Variants in EGFLAM observed in about 807,000 individuals in gnomAD.
EGFLAM encodes EGF like, fibronectin type III and laminin G domains.
A neutral mutation model predicts 113.1 loss-of-function variants in EGFLAM; 79 were observed. That is an observed-to-expected ratio of 0.70 (90% CI 0.58 to 0.84). The LOEUF (loss-of-function observed/expected upper bound fraction) is 0.84, where lower values mean the gene tolerates loss of function less well. Ranked by LOEUF, EGFLAM falls within the 40% of genes least tolerant of loss-of-function variation. EGFLAM has a pLI of 0.00. For synonymous variants in EGFLAM, 504 were observed against 487.6 expected (o/e 1.03, Z -0.44); for missense variants, 1,265 against 1,291.6 (o/e 0.98, Z 0.32).
chr5:38,427,380 A>T (rs1382264023), intron 14 of EGFLAM, 128 bp downstream of exon 14: 1 of 1,414,476 alleles, frequency 7.1e-7, no homozygotes, highest in Non-Finnish European at 9.5e-7. Flanking sequence ...ATCTTCTGAA[A>T]CTTGTCCTGA....
chr5:38,391,410 G>GTGTGTGTGTGTGTGTT (rs1554010817), intron 6 of EGFLAM, among the ~76,000 whole-genome samples: 128 of 151,156 alleles, frequency 8.5e-4, no homozygotes, highest in African/African-American at 2.9e-3. Context: ...GTGTGTGTGT[G>GTGTGTGTGTGTGTGTT]TGTGTGTGAT....
At chr5:38,431,641 G>C (rs941964216) in intron 15 of EGFLAM, among the ~76,000 whole-genome samples, 8 of 152,264 alleles carry the variant, frequency 5.3e-5, no homozygotes, top group Non-Finnish European at 1.2e-4. Flanking sequence ...TAGGGCCTGT[G>C]GTGCATGGGG....
chr5:38,427,345 C>T lies in EGFLAM; in HGVS notation c.2054+93C>T, dbSNP rs980073078. 1.2e-5 allele frequency: 18 copies of T among 1,537,838 alleles called. No individual in the cohort carries two copies. The East Asian group carries it at 3.6e-4, about 31-fold the overall frequency. The stretch of plus-strand genomic sequence containing the variant: ...CCAAATCGCCATTCAACAGCTCACA[C>T]TCATCCTGTCTTCTCTACATGCTTA... On this transcript the variant is annotated intron_variant, in intron 14 of 21. Transcript: ENST00000322350.
intron 1 of EGFLAM, among the ~76,000 whole-genome samples, chr5:38,297,650 C>A (rs1393666617): frequency 6.6e-6 from 1 of 152,158 alleles, no homozygotes; most frequent in African/African-American, 2.4e-5. Context: ...GACCCTGAGC[C>A]TGTCCTCGGC....
At chr5:38,314,676 C>G (rs1430901308) in intron 1 of EGFLAM, among the ~76,000 whole-genome samples, 2 of 152,326 alleles carry the variant, frequency 1.3e-5, no homozygotes, top group East Asian at 1.9e-4. Flanking sequence ...TGAAGCCTTA[C>G]CGCCCACCCA....
chr5:38,288,577 T>G (rs1370944708), intron 1 of EGFLAM, among the ~76,000 whole-genome samples: 1 of 152,128 alleles, frequency 6.6e-6, no homozygotes, highest in African/African-American at 2.4e-5. Context: ...AGTTTTGAGC[T>G]CCTAACGCTT....
chr5:38,399,988 A>C (rs17425756), intron 6 of EGFLAM: 23,662 of 152,184 alleles, frequency 0.16, 2,015 homozygotes, highest in Non-Finnish European at 0.17. Context: ...GCTTGATGTG[A>C]CAGATACCTG....
At chr5:38,377,204 C>T (rs184640521) in intron 6 of EGFLAM, among the ~76,000 whole-genome samples, 151 of 152,154 alleles carry the variant, frequency 9.9e-4, no homozygotes, top group Non-Finnish European at 1.9e-3. Context: ...TCACTGCAAC[C>T]TCAGTTCACT....
At chr5:38,389,506 C>T (rs892542392) in intron 6 of EGFLAM, among the ~76,000 whole-genome samples, 1 of 152,008 alleles carries the variant, frequency 6.6e-6, no homozygotes, top group African/African-American at 2.4e-5. Context: ...TGCCTAATTG[C>T]TTGTCTATGT....
chr5:38,345,545 G>A (rs1420138093), intron 3 of EGFLAM: 1 of 152,208 alleles, frequency 6.6e-6, no homozygotes, highest in Non-Finnish European at 1.5e-5. Context: ...CAAACACCAA[G>A]TAGGGGGTAT....
chr5:38,394,782 C>G (rs1740914172), intron 6 of EGFLAM, among the ~76,000 whole-genome samples: 1 of 150,096 alleles, frequency 6.7e-6, no homozygotes, highest in African/African-American at 2.5e-5. Context: ...TTTCTGTGCC[C>G]ACAACTCTTC....
Position 38,463,009 on chromosome 5 carries a change from TG to T in EGFLAM, c.2875+1del, listed in dbSNP as rs779054196. ...RQLNINGALY[V>X]GGMKEIALHT... ...CTTAACATCAATGGAGCTCTGTATG[TG>T]GGTAAGTGACCGACCCTCGACCAAA... On this transcript the variant is annotated frameshift_variant and splice_region_variant, in exon 21 of 22. Coordinates refer to ENST00000322350, the MANE Select transcript of EGFLAM (RefSeq NM_152403.4). LOFTEE classifies it high-confidence loss of function. 1.2e-6 allele frequency: 2 copies of T among 1,612,994 alleles called. No individual in the cohort carries two copies. The highest frequency in any genetic ancestry group is 1.7e-6 in the Non-Finnish European group (2 of 1,179,226).
intron 1 of EGFLAM, among the ~76,000 whole-genome samples, chr5:38,311,637 T>C (rs1343645652): frequency 6.6e-6 from 1 of 152,234 alleles, no homozygotes; most frequent in Non-Finnish European, 1.5e-5. Flanking sequence ...CTTCTGTTTT[T>C]GGCAATAATG....
intron 5 of EGFLAM, among the ~76,000 whole-genome samples, chr5:38,363,429 G>A (rs1224016296): frequency 1.3e-5 from 2 of 152,094 alleles, no homozygotes; most frequent in Non-Finnish European, 1.5e-5. Flanking sequence ...TTTTACCAAT[G>A]GAAATTTAGC....
intron 1 of EGFLAM, among the ~76,000 whole-genome samples, chr5:38,268,998 G>A (rs963282211): frequency 9.9e-5 from 15 of 152,076 alleles, no homozygotes; most frequent in South Asian, 2.1e-4. Flanking sequence ...GCAACATGGC[G>A]AAACCGCATC....
In EGFLAM at chr5:38,338,724, T is replaced by C. The variant is rs201090821; in HGVS notation, c.234T>C (p.Asp78=). Residue 78 remains aspartate (D), a synonymous_variant, in exon 3 of 22, where the codon GAT becomes GAC. Coordinates refer to ENST00000322350, the MANE Select transcript of EGFLAM (RefSeq NM_152403.4). ...YTVFYSEVGA[D]KSLQEQLHSV... ...TCTTTTACTCTGAGGTTGGCGCAGA[T>C]AAATCCCTGCAGGAGCAGTTGCACA... 7 of 1,614,234 alleles carry C rather than the reference T, an allele frequency of 4.3e-6. No individual in the cohort carries two copies. Among genetic ancestry groups the C allele is most frequent in the Non-Finnish European group, 5.9e-6 (7 of 1,180,026 alleles).
chr5:38,387,774 C>T (rs950946704), intron 6 of EGFLAM, among the ~76,000 whole-genome samples: 5 of 152,224 alleles, frequency 3.3e-5, no homozygotes, highest in African/African-American at 9.6e-5. Context: ...ATTTCGAAAA[C>T]GTTTCTTGGA....
intron 6 of EGFLAM, among the ~76,000 whole-genome samples, chr5:38,371,165 A>G (rs1482801670): frequency 6.6e-6 from 1 of 152,206 alleles, no homozygotes. Context: ...AGTGGAGGGT[A>G]TATTTCTGTA....
chr5:38,266,641 C>A (rs1374756995), intron 1 of EGFLAM, among the ~76,000 whole-genome samples: 2 of 152,122 alleles, frequency 1.3e-5, no homozygotes, highest in Non-Finnish European at 2.9e-5. Flanking sequence ...TAACATTTTT[C>A]AGACAAATGA....
Sources: allele counts gnomAD v4.1 joint callset (sites outside exome capture counted in the v4.1 genomes callset), GRCh38; gene constraint gnomAD v4.1.1; transcripts MANE v1.5; gene names NCBI Gene and HGNC (gene_info 2026-07-23, HGNC 2026-07-21).